Variants in ATM observed in about 807,000 individuals in gnomAD.
The protein encoded by ATM is ATM serine/threonine kinase.
ATM carries 308 observed loss-of-function variants against 387.0 expected under a neutral mutation model. That is an observed-to-expected ratio of 0.80 (90% CI 0.73 to 0.87). The LOEUF (loss-of-function observed/expected upper bound fraction) is 0.87. Ranked by LOEUF, ATM falls within the 40% of genes least tolerant of loss-of-function variation. The probability of loss-of-function intolerance (pLI) is 0.00; values close to 1 mark genes in which losing one functional copy is unlikely to be tolerated. For synonymous variants in ATM, 1,156 were observed against 1,187.3 expected, an observed-to-expected ratio of 0.97 and a Z score of 0.54; for missense variants, 3,312 against 3,560.9, an observed-to-expected ratio of 0.93 and a Z score of 1.78.
rs1299506506 is a variant in ATM at position 108,316,034 on chromosome 11, C to G, written c.6119C>G (p.Ala2040Gly). Residue 2040 changes from alanine to glycine, a missense_variant, in exon 42 of 63, where the codon GCA becomes GGA. Ala to Gly is a moderately conservative substitution (Grantham distance 60). Transcript: ENST00000675843. ...ITRLRTYEHE[A>G]MWGKALVTYD... ...AGACTACGAACATATGAACACGAAG[C>G]AATGTGGGGCAAAGCCCTAGTAACA... 1.2e-6 allele frequency: 2 copies of G among 1,614,098 alleles called. No homozygotes were observed. Among genetic ancestry groups the G allele is most frequent in the South Asian group, 2.2e-5 (2 of 91,078 alleles).
Position 108,317,644 on chromosome 11 carries a change from TATATATATAC to T in ATM, c.6347+125_6347+134del, listed in dbSNP as rs1470419474. 3.5e-3 allele frequency: 535 copies of T among 153,524 alleles called. 5 individuals carry two copies. Among genetic ancestry groups the T allele is most frequent in the African/African-American group, 0.018 (466 of 25,476 alleles). 9.5% of individuals were successfully genotyped at this position (153,524 alleles called of 1,614,324 possible). ...ATATATATATATATATATATATATATATATATATACACACACACACACACACACACTATAT... is the reference window on the plus strand; with the variant it reads ...ATATATATATATATATATATATATATACACACACACACACACACACTATAT... On this transcript the variant is annotated intron_variant, in intron 43 of 62. Transcript: ENST00000675843.
chr11:108,256,638 G>A (rs1303605115), intron 14 of ATM, among the ~76,000 whole-genome samples: 1 of 152,064 alleles, frequency 6.6e-6, no homozygotes, highest in Non-Finnish European at 1.5e-5. Flanking sequence ...ATCTGCATTA[G>A]GTACTTCTCC....
Position 108,279,579 on chromosome 11 carries a change from T to A in ATM, c.3373T>A (p.Leu1125Met), listed in dbSNP as rs775277598. The change falls in exon 23 of 63, where the codon TTG becomes ATG. Residue 1125 changes from leucine (L) to methionine (M), a missense_variant. This residue lies in a region of ATM where 1,791 missense variants were observed against 1,804.5 expected (regional missense o/e 0.99). Coordinates refer to ENST00000675843, the MANE Select transcript of ATM (RefSeq NM_000051.4). ...GCAAACAGCTTTTGAAAATGCATAC[T>A]TGAAAGCTCAGGAAGGAATGAGAGA... The part of the protein sequence containing the change: ...LQQTAFENAY[L>M]KAQEGMREMS... The A allele has an allele frequency of 1.9e-6, 3 of 1,613,004 alleles. No individual in the cohort carries two copies. Among genetic ancestry groups the A allele is most frequent in the Non-Finnish European group, 2.5e-6 (3 of 1,179,102 alleles).
chr11:108,312,418 G>A lies in ATM; in HGVS notation c.5926G>A (p.Ala1976Thr), dbSNP rs2084241683. 2 of 1,590,672 alleles carry A rather than the reference G, an allele frequency of 1.3e-6. No homozygotes were observed. Among genetic ancestry groups the A allele is most frequent in the Non-Finnish European group, 1.7e-6 (2 of 1,158,966 alleles). Residue 1976 changes from alanine (A) to threonine (T), a missense_variant, in exon 40 of 63, where the codon GCA becomes ACA. This residue lies in a region of ATM where 1,405 missense variants were observed against 1,604.4 expected (regional missense o/e 0.88). Coordinates refer to ENST00000675843, the MANE Select transcript of ATM (RefSeq NM_000051.4). ...TGTTCTTGTGACAAACAGAAGTCTT[G>A]CATTTGAAGAAGGAAGCCAGAGTAC... ...SMDDQEKRSLAFEEGSQSTTI... is the reference protein window; with the variant it reads ...SMDDQEKRSLTFEEGSQSTTI...
chr11:108,266,491 G>T (rs1311491538), intron 16 of ATM, among the ~76,000 whole-genome samples: 3 of 114,278 alleles, frequency 2.6e-5, no homozygotes, highest in South Asian at 3.4e-4. Context: ...GTTGTGGGGT[G>T]GGGGGAGGGG....
intron 18 of ATM, among the ~76,000 whole-genome samples, chr11:108,269,195 C>CA (rs1275766092): frequency 6.6e-6 from 1 of 152,186 alleles, no homozygotes. Flanking sequence ...GTATAATCAT[C>CA]AAAATCAGGA....
rs227092 is a variant in ATM at position 108,366,056 on chromosome 11, G to T, written c.*548G>T. 89,533 of 171,628 alleles carry T rather than the reference G, an allele frequency of 0.52. 24,383 individuals are homozygous for T. Among genetic ancestry groups the T allele is most frequent in the Middle Eastern group, 0.71 (294 of 414 alleles). The allele number at this position is 171,628 out of a possible 1,614,324, so 10.6% of individuals were successfully genotyped here. The stretch of plus-strand genomic sequence containing the variant: ...AAAAAAAAAAAAAAAAAACAGAAAC[G>T]TATTTGGATTTTTCCTAGTAAGATC... On this transcript the variant is annotated 3_prime_UTR_variant, in exon 63 of 63. Transcript: ENST00000675843.
chr11:108,284,234 T>C lies in ATM; in HGVS notation c.3754T>C (p.Tyr1252His), dbSNP rs2135704307. Residue 1252 changes from tyrosine to histidine, a missense_variant, in exon 26 of 63, where the codon TAT (tyrosine) becomes CAT (histidine). Tyr to His is a moderately conservative substitution (Grantham distance 83). Around this residue, in one of 4 missense-constraint regions of ATM, gnomAD observed 1,791 missense variants for 1,804.5 expected, o/e 0.99. Coordinates refer to ENST00000675843, the MANE Select transcript of ATM (RefSeq NM_000051.4). Reference sequence around the variant, plus strand: ...AAATTTTTCTATTTTTAGATCTTGTTATAAGGTTTTGATTCCACATCTGGT... The same window carrying C: ...AAATTTTTCTATTTTTAGATCTTGTCATAAGGTTTTGATTCCACATCTGGT... ...TNIEDFYRSC[Y>H]KVLIPHLVIR... 6.2e-7 allele frequency: 1 copy of C among 1,607,700 alleles called. No individual in the cohort carries two copies. Among genetic ancestry groups the C allele is most frequent in the Non-Finnish European group, 8.5e-7 (1 of 1,174,930 alleles).
rs1462728109 is a variant in ATM, at chr11:108,281,118, C to G, written c.3526C>G (p.Leu1176Val). The change falls in exon 24 of 63, where the codon CTG (leucine) becomes GTG (valine). Residue 1176 changes from leucine (L) to valine (V), a missense_variant. By Grantham distance (32) the Leu-to-Val change is conservative. Transcript: ENST00000675843. ...CTGCGAAAAACAGGCTTTGTTTGCC[C>G]TGTGTAAATCTGTGAAAGAGAATGG... The part of the protein sequence containing the change: ...PICEKQALFA[L>V]CKSVKENGLE... The G allele has an allele frequency of 6.2e-7, 1 of 1,613,738 alleles. No individual in the cohort carries two copies. The highest frequency in any genetic ancestry group is 1.3e-5 in the African/African-American group (1 of 74,850).
intron 8 of ATM, among the ~76,000 whole-genome samples, chr11:108,248,216 T>A (rs994723433): frequency 6.6e-6 from 1 of 152,198 alleles, no homozygotes; most frequent in African/African-American, 2.4e-5. Flanking sequence ...CTAATGTTTC[T>A]TAAATAAAAC....
Position 108,292,586 on chromosome 11 carries a change from GGTT to G in ATM, c.4437-23_4437-21del, listed in dbSNP as rs753000222. Reference sequence around the variant, plus strand: ...TCAGAGTAATTTTCCAGAACTTACTGGTTGTTGTTGTTTTTTTTTCTCCCTATA... The same window carrying G: ...TCAGAGTAATTTTCCAGAACTTACTGGTTGTTGTTTTTTTTTCTCCCTATA... On this transcript the variant is annotated intron_variant, in intron 29 of 62. Transcript: ENST00000675843. 2.0e-4 allele frequency: 320 copies of G among 1,608,162 alleles called. 1 individual carries two copies. The East Asian group carries it at 6.4e-3, about 32-fold the overall frequency.
At chr11:108,335,441 G>T (rs1417891527) in intron 55 of ATM, 2 of 541,592 alleles carry the variant, frequency 3.7e-6, no homozygotes, top group African/African-American at 3.8e-5. Flanking sequence ...GACGTCCTTT[G>T]CATCAGTATA....
chr11:108,335,305 CATT>C (rs1274012294), intron 55 of ATM, 196 bp downstream of exon 55: 19 of 1,489,852 alleles, frequency 1.3e-5, no homozygotes, highest in South Asian at 3.7e-5. Context: ...GAAAGACAAT[CATT>C]ATTATATGGT....
Position 108,305,875 on chromosome 11 carries a change from C to T in ATM, c.5674+1023C>T, listed in dbSNP as rs4988052. The stretch of plus-strand genomic sequence containing the variant: ...TTCACAGATCTTTATTGTTAACTGT[C>T]TTTATTATATATTATTAATGTGTTT... On this transcript the variant is annotated intron_variant, in intron 37 of 62. Coordinates refer to ENST00000675843, the MANE Select transcript of ATM (RefSeq NM_000051.4). Among the ~76,000 whole-genome samples, 799 of 152,122 alleles carry T rather than the reference C, an allele frequency of 5.3e-3. 8 individuals carry two copies. The highest frequency in any genetic ancestry group is 0.019 in the African/African-American group (769 of 41,518).
intron 11 of ATM, among the ~76,000 whole-genome samples, chr11:108,252,553 T>G (rs1289763004): frequency 6.6e-6 from 1 of 152,200 alleles, no homozygotes; most frequent in Non-Finnish European, 1.5e-5. Context: ...GTACTTTTGC[T>G]TTAATTTTAC....
chr11:108,336,798 G>A (rs1310782947), intron 56 of ATM, among the ~76,000 whole-genome samples: 1 of 152,192 alleles, frequency 6.6e-6, no homozygotes, highest in Non-Finnish European at 1.5e-5. Flanking sequence ...TGCCTGAGAA[G>A]ACAATCCTCA....
intron 12 of ATM, 77 bp from the exon 13 acceptor site, chr11:108,253,737 T>C (rs2080284297): frequency 9.8e-7 from 1 of 1,020,402 alleles, no homozygotes; most frequent in Non-Finnish European, 1.5e-6. Context: ...TGTTTTCCTT[T>C]GTAATATATT....
chr11:108,352,445 A>G (rs1439489486), intron 59 of ATM, among the ~76,000 whole-genome samples: 1 of 152,218 alleles, frequency 6.6e-6, no homozygotes, highest in Non-Finnish European at 1.5e-5. Flanking sequence ...TAGAAGACAG[A>G]GCCGTAGAAA....
At chr11:108,237,150 T>A (rs1260689844) in intron 5 of ATM, among the ~76,000 whole-genome samples, 2 of 152,334 alleles carry the variant, frequency 1.3e-5, no homozygotes, top group East Asian at 3.9e-4. Context: ...CCCCTGAGAA[T>A]AAATGCCTTC....
Sources: allele counts gnomAD v4.1 joint callset (sites outside exome capture counted in the v4.1 genomes callset), GRCh38; gene constraint gnomAD v4.1.1; regional missense constraint gnomAD v4.1.1; transcripts MANE v1.5; gene names NCBI Gene and HGNC (gene_info 2026-07-23, HGNC 2026-07-21).